Variants in SCFD2 observed in about 807,000 individuals in gnomAD.
The protein encoded by SCFD2 is sec1 family domain containing 2, also known as sec1 family domain-containing protein 2.
SCFD2 carries 54 observed loss-of-function variants against 58.9 expected under a neutral mutation model. That is an observed-to-expected ratio of 0.92 (90% CI 0.74 to 1.15). The LOEUF (loss-of-function observed/expected upper bound fraction) is 1.15. Ranked by LOEUF, SCFD2 falls within the 50% of genes most tolerant of loss-of-function variation. The pLI is 0.00. For synonymous variants in SCFD2, 321 were observed against 335.9 expected (o/e 0.96, Z 0.49); for missense variants, 805 against 836.6 (o/e 0.96, Z 0.47).
chr4:52,951,007 G>A (rs1018461315), intron 5 of SCFD2: 9 of 152,160 alleles, frequency 5.9e-5, no homozygotes, highest in Admixed American at 5.2e-4. Flanking sequence ...TAAATTAAAG[G>A]AATTAGAGAA....
At chr4:53,237,733 C>A (rs1729693231) in intron 4 of SCFD2, among the ~76,000 whole-genome samples, 1 of 114,836 alleles carries the variant, frequency 8.7e-6, no homozygotes, top group African/African-American at 3.3e-5. Context: ...CAGAGGCGCC[C>A]CTCACCTCCC....
At chr4:52,991,535 C>G (rs1052039008) in intron 5 of SCFD2, among the ~76,000 whole-genome samples, 4 of 152,116 alleles carry the variant, frequency 2.6e-5, no homozygotes, top group African/African-American at 9.7e-5. Flanking sequence ...TGAGGATGGG[C>G]TTGGCCTTGG....
intron 5 of SCFD2, among the ~76,000 whole-genome samples, chr4:52,986,496 T>TC (rs1721497916): frequency 7.3e-6 from 1 of 137,884 alleles, no homozygotes; most frequent in African/African-American, 2.7e-5. Flanking sequence ...ATGAAATTTT[T>TC]TTTTTTTTTT....
chr4:53,027,257 C>CTT (rs112313567), intron 5 of SCFD2, among the ~76,000 whole-genome samples: 3 of 145,524 alleles, frequency 2.1e-5, no homozygotes, highest in African/African-American at 7.5e-5. Context: ...CCACACACTT[C>CTT]TTTTTTTTTT....
At chr4:53,267,355 G>T (rs1222990594) in intron 4 of SCFD2, among the ~76,000 whole-genome samples, 1 of 152,052 alleles carries the variant, frequency 6.6e-6, no homozygotes, top group Admixed American at 6.5e-5. Flanking sequence ...CATATATTAT[G>T]ACTTGTTAAA....
intron 7 of SCFD2, among the ~76,000 whole-genome samples, chr4:52,894,238 G>T (rs950092645): frequency 6.6e-6 from 1 of 152,094 alleles, no homozygotes; most frequent in Non-Finnish European, 1.5e-5. Context: ...AACAAAAAAA[G>T]AACTTCTTAA....
intron 2 of SCFD2, among the ~76,000 whole-genome samples, chr4:53,347,913 C>T (rs1364211644): frequency 1.3e-5 from 2 of 152,146 alleles, no homozygotes; most frequent in African/African-American, 4.8e-5. Flanking sequence ...AAGCACCAAG[C>T]GCAGATGTAG....
chr4:53,327,645 C>A (rs1403832839), intron 2 of SCFD2, among the ~76,000 whole-genome samples: 1 of 152,196 alleles, frequency 6.6e-6, no homozygotes, highest in South Asian at 2.1e-4. Flanking sequence ...GAAAAGGCAG[C>A]AATGTTGACA....
At chr4:53,174,255 A>G (rs1727262803) in intron 4 of SCFD2, among the ~76,000 whole-genome samples, 1 of 152,076 alleles carries the variant, frequency 6.6e-6, no homozygotes, top group South Asian at 2.1e-4. Flanking sequence ...TGAAGAGGAG[A>G]CATAATACTA....
chr4:52,899,156 G>T (rs1194472807), intron 7 of SCFD2, among the ~76,000 whole-genome samples: 1 of 152,152 alleles, frequency 6.6e-6, no homozygotes, highest in East Asian at 1.9e-4. Context: ...TACATTTAAG[G>T]TTAGTATTGT....
chr4:53,349,742 C>T (rs1416322862), intron 2 of SCFD2, among the ~76,000 whole-genome samples: 1 of 152,134 alleles, frequency 6.6e-6, no homozygotes, highest in South Asian at 2.1e-4. Flanking sequence ...ACTTTTATAC[C>T]TATGTTTGTT....
At position 53,095,331 on chromosome 4, in the gene SCFD2, C is replaced by G. The variant is rs1724588979; in HGVS notation, c.1561+50002G>C. 2.0e-5 allele frequency among the ~76,000 whole-genome samples: 3 copies of G among 152,274 alleles called. No homozygotes were observed. The South Asian group carries it at 6.2e-4, about 32-fold the overall frequency. On this transcript the variant is annotated intron_variant, in intron 5 of 8. Coordinates refer to ENST00000401642, the MANE Select transcript of SCFD2 (RefSeq NM_152540.4). The stretch of plus-strand genomic sequence containing the variant: ...TTTAACTCCAATCCCTCTAGCTGCT[C>G]AAGTCAAGTAATCTTTGACATCGTT...
chr4:53,216,900 T>C (rs1451470309), intron 4 of SCFD2, among the ~76,000 whole-genome samples: 1 of 152,260 alleles, frequency 6.6e-6, no homozygotes, highest in Non-Finnish European at 1.5e-5. Context: ...CATTTCGTTA[T>C]GTACCCAGTA....
intron 5 of SCFD2, among the ~76,000 whole-genome samples, chr4:53,106,593 G>A (rs539674204): frequency 1.9e-4 from 29 of 152,148 alleles, no homozygotes; most frequent in Non-Finnish European, 3.8e-4. Flanking sequence ...ATAGCCGAAT[G>A]ATCAAGAGGA....
chr4:53,247,890 A>T (rs1296945275), intron 4 of SCFD2, among the ~76,000 whole-genome samples: 8 of 151,360 alleles, frequency 5.3e-5, no homozygotes, highest in African/African-American at 1.7e-4. Flanking sequence ...AAAAAAAAAA[A>T]AAATAACAAG....
chr4:53,079,753 T>C (rs902567873), intron 5 of SCFD2, among the ~76,000 whole-genome samples: 1 of 152,174 alleles, frequency 6.6e-6, no homozygotes, highest in Non-Finnish European at 1.5e-5. Flanking sequence ...CCTTACATTG[T>C]GCTTTATAAC....
intron 4 of SCFD2, among the ~76,000 whole-genome samples, chr4:53,152,146 A>T (rs1426753428): frequency 6.6e-6 from 1 of 152,214 alleles, no homozygotes; most frequent in Non-Finnish European, 1.5e-5. Context: ...ATCTGATGTA[A>T]TTAACAAGGC....
chr4:53,304,008 C>T (rs538768944), intron 3 of SCFD2, among the ~76,000 whole-genome samples: 12 of 150,172 alleles, frequency 8.0e-5, no homozygotes, highest in East Asian at 7.9e-4. Flanking sequence ...TGCTAAATGA[C>T]GAGTTAATGG....
chr4:52,969,426 G>A (rs552105684), intron 5 of SCFD2, among the ~76,000 whole-genome samples: 2 of 152,294 alleles, frequency 1.3e-5, no homozygotes, highest in South Asian at 4.1e-4. Flanking sequence ...TAGAGTTCAT[G>A]ACAGAATAGA....
Sources: gnomAD v4.1 joint callset for allele counts (sites outside exome capture counted in the v4.1 genomes callset) on GRCh38, gnomAD v4.1.1 for gene constraint, MANE v1.5 for transcripts, NCBI Gene and HGNC (gene_info 2026-07-23, HGNC 2026-07-21) for gene names.